Variants in SPATA31H1 observed in about 807,000 individuals in gnomAD.
SPATA31H1 encodes spermatogenesis-associated protein 31H1.
chr2:27,579,492 G>T, the SPATA31H1 span: 1 of 1,614,162 alleles, frequency 6.2e-7, no homozygotes, highest in Non-Finnish European at 8.5e-7. Context: ...GAAAAGAATG[G>T]CCTTAAGGAT....
the SPATA31H1 span, chr2:27,578,173 C>A: frequency 1.9e-6 from 3 of 1,614,104 alleles, no homozygotes; most frequent in Non-Finnish European, 2.5e-6. Context: ...AGGCCAACCC[C>A]TCAAATGGTA....
the SPATA31H1 span, chr2:27,576,066 C>A: frequency 2.5e-6 from 1 of 399,532 alleles, no homozygotes; most frequent in African/African-American, 2.1e-5. Flanking sequence ...CCCTGGGCCA[C>A]AGGTGCAGTA....
the SPATA31H1 span, chr2:27,582,537 C>G: frequency 6.3e-7 from 1 of 1,576,540 alleles, no homozygotes; most frequent in Non-Finnish European, 8.6e-7. Context: ...AGGCGAGGTC[C>G]GCCCCTATTA....
chr2:27,576,774 G>C, the SPATA31H1 span: 75 of 1,613,870 alleles, frequency 4.6e-5, no homozygotes, highest in Non-Finnish European at 5.9e-5. Context: ...GTTTACTGTA[G>C]AGCCAAAGTT....
At chr2:27,580,114 A>G in the SPATA31H1 span, 1 of 1,614,224 alleles carries the variant, frequency 6.2e-7, no homozygotes, top group Non-Finnish European at 8.5e-7. Flanking sequence ...ATCTCAAAGT[A>G]TCGTGAAAGA....
the SPATA31H1 span, chr2:27,576,124 A>C: frequency 7.0e-3 from 2,809 of 403,032 alleles, 8 homozygotes; most frequent in Non-Finnish European, 0.01. Flanking sequence ...CAATGTATAG[A>C]TTCTATGGAG....
At chr2:27,547,198 C>T in the SPATA31H1 span, among the ~76,000 whole-genome samples, 1 of 144,152 alleles carries the variant, frequency 6.9e-6, no homozygotes, top group South Asian at 2.2e-4. Flanking sequence ...TTTTTTGAGA[C>T]AGTCTCACTC....
chr2:27,565,525 A>C, the SPATA31H1 span: 1 of 666,570 alleles, frequency 1.5e-6, no homozygotes. Flanking sequence ...TCTTCTTTCT[A>C]GCATCTCCAT....
the SPATA31H1 span, among the ~76,000 whole-genome samples, chr2:27,548,710 T>G: frequency 1.3e-5 from 2 of 152,000 alleles, no homozygotes; most frequent in Non-Finnish European, 2.9e-5. Flanking sequence ...GTGAGTCTCT[T>G]AAGTGTCTTC....
At chr2:27,538,018 A>G in the SPATA31H1 span, among the ~76,000 whole-genome samples, 1 of 152,126 alleles carries the variant, frequency 6.6e-6, no homozygotes, top group Non-Finnish European at 1.5e-5. Flanking sequence ...GAGGGAATAC[A>G]TTGGAAAAAA....
chr2:27,577,301 C>T, the SPATA31H1 span: 1 of 1,613,994 alleles, frequency 6.2e-7, no homozygotes, highest in Non-Finnish European at 8.5e-7. The surrounding 1 kb of genome is among the most constrained non-coding windows in gnomAD (Gnocchi z 4.5). Flanking sequence ...AGTCACGGCC[C>T]CGAGTTAAGG....
chr2:27,580,228 C>T, the SPATA31H1 span: 23 of 1,614,086 alleles, frequency 1.4e-5, no homozygotes, highest in Non-Finnish European at 1.9e-5. Context: ...GATTTGCAGT[C>T]TGGGCCTTCC....
chr2:27,553,191 C>G, the SPATA31H1 span, among the ~76,000 whole-genome samples: 8 of 152,084 alleles, frequency 5.3e-5, 1 homozygote, highest in Non-Finnish European at 1.2e-4. Flanking sequence ...AATGGTCCCT[C>G]TTTTTGAAAC....
the SPATA31H1 span, chr2:27,575,373 A>T: frequency 2.5e-6 from 1 of 398,436 alleles, no homozygotes; most frequent in Non-Finnish European, 4.4e-6. This position sits in a 1 kb window ranked among gnomAD's most constrained non-coding sequence, Gnocchi z 4.1. Flanking sequence ...TCTGCAACAT[A>T]GAAAATCTTC....
the SPATA31H1 span, chr2:27,571,366 C>T: frequency 0.57 from 225,109 of 398,086 alleles, 66,046 homozygotes; most frequent in East Asian, 0.86. Flanking sequence ...TTCCCACAGC[C>T]GGAAGGTGGG....
At chr2:27,576,897 C>A in the SPATA31H1 span, 3 of 1,614,062 alleles carry the variant, frequency 1.9e-6, no homozygotes, top group Non-Finnish European at 2.5e-6. Context: ...GGAGCAAACT[C>A]CAAGAACAAA....
the SPATA31H1 span, among the ~76,000 whole-genome samples, chr2:27,539,759 C>T: frequency 1.7e-5 from 1 of 60,366 alleles, no homozygotes; most frequent in African/African-American, 7.6e-5. Context: ...ACCCCCCCCG[C>T]CCCCGGACGG....
the SPATA31H1 span, chr2:27,576,284 A>G: frequency 2.3e-6 from 1 of 431,314 alleles, no homozygotes; most frequent in Non-Finnish European, 4.1e-6. Context: ...TAAAATGTGA[A>G]CTGACTCCAG....
the SPATA31H1 span, chr2:27,580,779 A>G: frequency 2.1e-5 from 34 of 1,614,104 alleles, no homozygotes; most frequent in Non-Finnish European, 2.7e-5. Context: ...TTGCTTACCA[A>G]GCAGTATCAA....
Sources: gnomAD v4.1 joint callset for allele counts (sites outside exome capture counted in the v4.1 genomes callset) on GRCh38, gnomAD v4.1.1 for gene constraint, Gnocchi (gnomAD v3.1) non-coding constraint, MANE v1.5 for transcripts, NCBI Gene and HGNC (gene_info 2026-07-23, HGNC 2026-07-21) for gene names.